The following CACNB4 variants were observed in gnomAD, a reference collection of about 807,000 sequenced individuals.
CACNB4 encodes the protein voltage-dependent L-type calcium channel subunit beta-4.
A neutral mutation model predicts 71.2 loss-of-function variants in CACNB4; 32 were observed. The ratio of observed to expected loss-of-function variants is 0.45; its 90% CI spans 0.34 to 0.60. CACNB4 has a LOEUF of 0.60. CACNB4 is among the 20% of genes least tolerant of loss of function. The pLI is 0.01. For synonymous variants in CACNB4, 231 were observed against 236.9 expected (o/e 0.97, Z 0.23); for missense variants, 464 against 647.9 (o/e 0.72, Z 3.08).
intron 2 of CACNB4, among the ~76,000 whole-genome samples, chr2:151,952,917 C>T (rs2099867298): frequency 6.6e-6 from 1 of 152,180 alleles, no homozygotes; most frequent in Admixed American, 6.5e-5. Context: ...TTGCTCATTG[C>T]TTTGCTAGCA....
chr2:151,923,682 C>T (rs994670829), intron 2 of CACNB4, among the ~76,000 whole-genome samples: 1 of 152,202 alleles, frequency 6.6e-6, no homozygotes, highest in Non-Finnish European at 1.5e-5. Flanking sequence ...CCAATAAAAG[C>T]TCATTTACAA....
intron 2 of CACNB4, among the ~76,000 whole-genome samples, chr2:151,944,146 A>G (rs1195113420): frequency 6.6e-6 from 1 of 151,210 alleles, no homozygotes; most frequent in African/African-American, 2.4e-5. Flanking sequence ...CTCCTGCCTC[A>G]GTCTCCTAAG....
intron 2 of CACNB4, among the ~76,000 whole-genome samples, chr2:152,043,436 C>A (rs961701466): frequency 6.6e-6 from 1 of 152,142 alleles, no homozygotes; most frequent in Non-Finnish European, 1.5e-5. Context: ...ATCCTCCCAC[C>A]TTAGCCTCCA....
intron 2 of CACNB4, among the ~76,000 whole-genome samples, chr2:152,076,211 C>G (rs1021948456): frequency 1.5e-5 from 2 of 133,988 alleles, no homozygotes; most frequent in African/African-American, 2.7e-5. Context: ...GGTGCAATCT[C>G]GGCTCACTGC....
intron 2 of CACNB4, among the ~76,000 whole-genome samples, chr2:151,937,961 G>A (rs544261636): frequency 2.0e-5 from 3 of 152,240 alleles, no homozygotes; most frequent in East Asian, 3.9e-4. Flanking sequence ...TTTTCAGAAC[G>A]TTCTGAAATT....
chr2:152,037,850 C>A (rs1028296578), intron 2 of CACNB4, among the ~76,000 whole-genome samples: 2 of 152,238 alleles, frequency 1.3e-5, no homozygotes, highest in Non-Finnish European at 2.9e-5. Flanking sequence ...AGCAGGCCTG[C>A]AGCACTGCTG....
At chr2:152,020,271 G>A (rs1683583720) in intron 2 of CACNB4, among the ~76,000 whole-genome samples, 1 of 152,212 alleles carries the variant, frequency 6.6e-6, no homozygotes, top group African/African-American at 2.4e-5. Flanking sequence ...GGTTTTGATG[G>A]GATCAAGATG....
rs577404904 is a variant in CACNB4 at position 151,893,046 on chromosome 2, T to C, written c.148-9676A>G. Among the ~76,000 whole-genome samples the C allele has an allele frequency of 1.5e-3, 231 of 152,242 alleles. 2 individuals are homozygous for C. The highest frequency in any genetic ancestry group is 5.4e-3 in the African/African-American group (223 of 41,550). Reference sequence around the variant, plus strand: ...AGCCTTTTTAATAGATATGAAAATATATAAAACTACAAAAGTTAAACATGT... The same window carrying C: ...AGCCTTTTTAATAGATATGAAAATACATAAAACTACAAAAGTTAAACATGT... On this transcript the variant is annotated intron_variant, in intron 2 of 13. Coordinates refer to ENST00000539935, the MANE Select transcript of CACNB4 (RefSeq NM_000726.5).
rs753922440 is a variant in CACNB4, at chr2:151,842,093, A to G, written c.1117-5T>C. The G allele has an allele frequency of 6.2e-7, 1 of 1,612,718 alleles. No homozygotes were observed. The highest frequency in any genetic ancestry group is 8.5e-7 in the Non-Finnish European group (1 of 1,178,962). ...CAATATAACATCAAACATTTCCTGT[A>G]GATGACAAGAAAATCCACTTTACTT... On this transcript the variant is annotated splice_polypyrimidine_tract_variant and splice_region_variant and intron_variant, in intron 12 of 13. Transcript: ENST00000539935.
intron 2 of CACNB4, among the ~76,000 whole-genome samples, chr2:151,890,495 C>G (rs1369729321): frequency 6.6e-6 from 1 of 152,196 alleles, no homozygotes; most frequent in African/African-American, 2.4e-5. Context: ...AGACAGGCAA[C>G]AAGAACATCC....
intron 2 of CACNB4, among the ~76,000 whole-genome samples, chr2:151,930,926 G>A (rs1370640874): frequency 1.3e-5 from 2 of 152,104 alleles, no homozygotes; most frequent in Non-Finnish European, 2.9e-5. Context: ...GGAAGTGGTT[G>A]TTATCAACTA....
At position 151,988,783 on chromosome 2, in the gene CACNB4, C is replaced by T. The variant is rs375803410; in HGVS notation, c.148-105413G>A. ...CTCCACCCTCCTGGCCCAATCACCT[C>T]CCAAAGGCCCCACCTCCCACTACCA... On this transcript the variant is annotated intron_variant, in intron 2 of 13. Transcript: ENST00000539935. Among the ~76,000 whole-genome samples the T allele has an allele frequency of 9.2e-5, 14 of 152,254 alleles. No individual in the cohort carries two copies. In the East Asian group the frequency reaches 2.1e-3, roughly 23 times the overall value.
At chr2:151,917,584 C>T (rs539414904) in intron 2 of CACNB4, among the ~76,000 whole-genome samples, 81 of 152,310 alleles carry the variant, frequency 5.3e-4, no homozygotes, top group African/African-American at 1.8e-3. Flanking sequence ...TGCCTGTAAT[C>T]TCAGCACTTT....
chr2:151,944,483 A>G (rs2099865087), intron 2 of CACNB4, among the ~76,000 whole-genome samples: 1 of 152,142 alleles, frequency 6.6e-6, no homozygotes, highest in Non-Finnish European at 1.5e-5. Context: ...TAAACAGGAG[A>G]GAGACATGAT....
At chr2:152,091,329 T>C (rs1461118833) in intron 2 of CACNB4, among the ~76,000 whole-genome samples, 2 of 152,184 alleles carry the variant, frequency 1.3e-5, no homozygotes, top group Non-Finnish European at 2.9e-5. Flanking sequence ...GATTACACCA[T>C]TTAGCAAGGA....
chr2:152,089,688 T>C (rs951172474), intron 2 of CACNB4, among the ~76,000 whole-genome samples: 5 of 151,802 alleles, frequency 3.3e-5, no homozygotes, highest in African/African-American at 1.2e-4. Context: ...TCCCAACACT[T>C]TGGGAGGCTG....
chr2:151,881,016 A>T, intron 3 of CACNB4, 94 bp from the exon 4 acceptor site: 1 of 1,255,978 alleles, frequency 8.0e-7, no homozygotes, highest in Non-Finnish European at 1.1e-6. Context: ...AGTGAGAAAT[A>T]ACTTTCCAAA....
intron 2 of CACNB4, among the ~76,000 whole-genome samples, chr2:152,008,832 A>G (rs1056735207): frequency 6.6e-5 from 10 of 152,112 alleles, no homozygotes; most frequent in Admixed American, 6.5e-4. Context: ...CCCTGGAACT[A>G]CTGAACAAGA....
At chr2:151,852,887 AC>A (rs2099839421) in intron 12 of CACNB4, 1 of 152,070 alleles carries the variant, frequency 6.6e-6, no homozygotes, top group African/African-American at 2.4e-5. Context: ...TCCATCTCCC[AC>A]CCCATCCCAC....
Sources: gnomAD v4.1 joint callset for allele counts (sites outside exome capture counted in the v4.1 genomes callset) on GRCh38, gnomAD v4.1.1 for gene constraint, MANE v1.5 for transcripts, NCBI Gene and HGNC (gene_info 2026-07-23, HGNC 2026-07-21) for gene names.